Variants in KCNIP4 observed in about 807,000 individuals in gnomAD.
KCNIP4 encodes the protein potassium voltage-gated channel interacting protein 4.
Under a neutral mutation model 34.0 loss-of-function variants are expected in KCNIP4, and 12 were observed. The ratio of observed to expected loss-of-function variants is 0.35; its 90% CI spans 0.23 to 0.57. The LOEUF (loss-of-function observed/expected upper bound fraction) is 0.57. Ranked by LOEUF, KCNIP4 falls within the 20% of genes least tolerant of loss-of-function variation. The pLI, the probability that KCNIP4 is intolerant of heterozygous loss-of-function variation, is 0.83. For synonymous variants in KCNIP4, 124 were observed against 102.2 expected (o/e 1.21, Z -1.29); for missense variants, 238 against 311.7 (o/e 0.76, Z 1.78).
At chr4:21,553,055 T>C (rs933877944) in intron 1 of KCNIP4, among the ~76,000 whole-genome samples, 6 of 150,802 alleles carry the variant, frequency 4.0e-5, no homozygotes, top group African/African-American at 1.5e-4. Flanking sequence ...GAGTCTCTCT[T>C]AAAAGGGTGA....
At chr4:21,051,840 A>G (rs1405888328) in intron 1 of KCNIP4, among the ~76,000 whole-genome samples, 1 of 152,208 alleles carries the variant, frequency 6.6e-6, no homozygotes, top group Non-Finnish European at 1.5e-5. Flanking sequence ...ACACACAACC[A>G]CTACATTACA....
At chr4:21,325,312 T>C (rs1029491901) in intron 1 of KCNIP4, among the ~76,000 whole-genome samples, 3 of 151,852 alleles carry the variant, frequency 2.0e-5, no homozygotes, top group Admixed American at 2.0e-4. Flanking sequence ...TTGGGTTTCT[T>C]TGTGGTTCAA....
At chr4:21,391,350 A>T (rs898934157) in intron 1 of KCNIP4, among the ~76,000 whole-genome samples, 1 of 152,172 alleles carries the variant, frequency 6.6e-6, no homozygotes, top group African/African-American at 2.4e-5. Context: ...CTAAGCTAAC[A>T]GAGGCAGATA....
intron 1 of KCNIP4, among the ~76,000 whole-genome samples, chr4:21,112,126 G>A (rs930486982): frequency 2.7e-5 from 4 of 149,752 alleles, no homozygotes; most frequent in African/African-American, 1.0e-4. Flanking sequence ...GAATCATTAG[G>A]ACTCTAAGAT....
intron 1 of KCNIP4, among the ~76,000 whole-genome samples, chr4:21,132,830 G>A (rs1297531378): frequency 7.2e-6 from 1 of 137,980 alleles, no homozygotes; most frequent in East Asian, 2.2e-4. Context: ...GCAACATGGT[G>A]AAATGTCGTC....
intron 4 of KCNIP4, among the ~76,000 whole-genome samples, chr4:20,756,619 C>T (rs1480531258): frequency 6.6e-6 from 1 of 151,816 alleles, no homozygotes; most frequent in Admixed American, 6.6e-5. Flanking sequence ...GTCCTTTTCA[C>T]CCTCTGCAAT....
At chr4:20,854,521 A>T (rs1208534893) in intron 2 of KCNIP4, among the ~76,000 whole-genome samples, 1 of 152,182 alleles carries the variant, frequency 6.6e-6, no homozygotes, top group Non-Finnish European at 1.5e-5. Flanking sequence ...GGGATAAAAG[A>T]CTACAAATAT....
intron 3 of KCNIP4, among the ~76,000 whole-genome samples, chr4:20,846,916 A>G (rs1296667670): frequency 6.6e-6 from 1 of 152,248 alleles, no homozygotes; most frequent in African/African-American, 2.4e-5. Flanking sequence ...ATCACCAAGC[A>G]TAGTAGCCAC....
chr4:21,593,682 C>T lies in KCNIP4; in HGVS notation c.61+354889G>A, dbSNP rs181204658. ...AGCCAGCTGGTGAGAATTCCCACAC[C>T]TTGTTTAAGAGGACATTTTCTTGAC... On this transcript the variant is annotated intron_variant, in intron 1 of 8. Transcript: ENST00000382152. Among the ~76,000 whole-genome samples the T allele has an allele frequency of 1.5e-3, 221 of 152,226 alleles. 1 individual carries two copies. The highest frequency in any genetic ancestry group is 3.4e-3 in the Admixed American group (52 of 15,274).
At chr4:21,396,696 T>C (rs564431166) in intron 1 of KCNIP4, among the ~76,000 whole-genome samples, 1 of 152,156 alleles carries the variant, frequency 6.6e-6, no homozygotes, top group South Asian at 2.1e-4. Flanking sequence ...CTATGACTCT[T>C]ACAAGAAAAC....
At chr4:21,871,589 C>G (rs1314153850) in intron 1 of KCNIP4, among the ~76,000 whole-genome samples, 2 of 151,706 alleles carry the variant, frequency 1.3e-5, no homozygotes, top group Non-Finnish European at 2.9e-5. Context: ...GGGAATTGAA[C>G]AAAGAGCCCA....
intron 1 of KCNIP4, among the ~76,000 whole-genome samples, chr4:21,761,891 T>G (rs1718084286): frequency 6.6e-6 from 1 of 152,132 alleles, no homozygotes; most frequent in South Asian, 2.1e-4. Flanking sequence ...AACACTTCCA[T>G]GATGGGATAA....
chr4:20,930,408 T>C (rs965597073), intron 1 of KCNIP4, among the ~76,000 whole-genome samples: 2 of 151,964 alleles, frequency 1.3e-5, no homozygotes, highest in African/African-American at 4.8e-5. Context: ...ATAAAACTCC[T>C]AGAGAAGAAC....
chr4:21,062,853 G>C (rs1744045981), intron 1 of KCNIP4, among the ~76,000 whole-genome samples: 1 of 152,064 alleles, frequency 6.6e-6, no homozygotes. Flanking sequence ...AATTGGAGGA[G>C]GCCTGCCCAC....
intron 1 of KCNIP4, among the ~76,000 whole-genome samples, chr4:21,028,017 T>C (rs1740697812): frequency 6.6e-6 from 1 of 152,070 alleles, no homozygotes; most frequent in African/African-American, 2.4e-5. Flanking sequence ...ATTCTTGACT[T>C]CCCCTTAAGC....
intron 1 of KCNIP4, among the ~76,000 whole-genome samples, chr4:21,667,159 G>A (rs559809359): frequency 7.9e-5 from 12 of 152,262 alleles, no homozygotes; most frequent in African/African-American, 2.6e-4. Flanking sequence ...GACATCAGAA[G>A]ATGGTAGGAC....
intron 3 of KCNIP4, among the ~76,000 whole-genome samples, chr4:20,845,675 C>A (rs1412779599): frequency 2.6e-5 from 4 of 152,176 alleles, no homozygotes; most frequent in Admixed American, 6.5e-5. Flanking sequence ...ACTAGAGAGA[C>A]CCTCCGTTGT....
At chr4:21,220,537 A>T (rs1757915096) in intron 1 of KCNIP4, among the ~76,000 whole-genome samples, 1 of 152,088 alleles carries the variant, frequency 6.6e-6, no homozygotes, top group Admixed American at 6.6e-5. Context: ...GTGCAAATGT[A>T]CCCTAAAACT....
At position 21,699,270 on chromosome 4, in the gene KCNIP4, A is replaced by T. The variant is rs540188511; in HGVS notation, c.61+249301T>A. Among the ~76,000 whole-genome samples, 3 of 152,330 alleles carry T rather than the reference A, an allele frequency of 2.0e-5. No homozygotes were observed. In the East Asian group the frequency reaches 5.8e-4, roughly 29 times the overall value. ...TTAAGCACAGCACTTTTATTCATAG[A>T]TGTAGCAATTCTATACTGAACACCT... is the stretch of plus-strand genomic sequence containing the variant. On this transcript the variant is annotated intron_variant, in intron 1 of 8. Transcript: ENST00000382152.
Sources: allele counts gnomAD v4.1 joint callset (sites outside exome capture counted in the v4.1 genomes callset), GRCh38; gene constraint gnomAD v4.1.1; transcripts MANE v1.5; gene names NCBI Gene and HGNC (gene_info 2026-07-23, HGNC 2026-07-21).